The following OTUD7A variants were observed in gnomAD, a reference collection of about 807,000 sequenced individuals.
The protein encoded by OTUD7A is OTU domain-containing protein 7A.
In OTUD7A, 12 loss-of-function variants were observed where a neutral mutation model predicts 65.7. The observed-to-expected ratio is 0.18, with a 90% CI of 0.12 to 0.30. The LOEUF (loss-of-function observed/expected upper bound fraction) is 0.30. OTUD7A is among the 10% of genes least tolerant of loss of function. The probability of loss-of-function intolerance (pLI) is 1.00; values close to 1 mark genes in which losing one functional copy is unlikely to be tolerated. For missense variants in OTUD7A, 1,148 were observed against 1,304.8 expected (o/e 0.88, Z 1.85); for synonymous variants, 641 against 586.3 (o/e 1.09, Z -1.35).
chr15:31,682,621 A>G (rs1385348171), intron 1 of OTUD7A, among the ~76,000 whole-genome samples: 1 of 152,254 alleles, frequency 6.6e-6, no homozygotes, highest in Admixed American at 6.5e-5. Flanking sequence ...ACTTTTCCAA[A>G]AAATGATGCT....
intron 3 of OTUD7A, among the ~76,000 whole-genome samples, chr15:31,601,830 A>G (rs1890085481): frequency 6.6e-6 from 1 of 152,222 alleles, no homozygotes; most frequent in East Asian, 1.9e-4. Context: ...AAACACTCCT[A>G]TGCAAATAAA....
chr15:31,632,717 C>T (rs1891210738), intron 3 of OTUD7A, among the ~76,000 whole-genome samples: 2 of 152,328 alleles, frequency 1.3e-5, no homozygotes, highest in South Asian at 4.1e-4. Context: ...GCCCTGCCCC[C>T]AGAGGTGGAG....
rs1465199299 is a variant in OTUD7A at position 31,487,340 on chromosome 15, C to T, written c.1287-62G>A. 6 of 1,590,794 alleles carry T rather than the reference C, an allele frequency of 3.8e-6. No individual in the cohort carries two copies. The African/African-American group carries it at 6.7e-5, about 18-fold the overall frequency. On this transcript the variant is annotated intron_variant, in intron 11 of 12. Coordinates refer to ENST00000307050, the MANE Select transcript of OTUD7A (RefSeq NM_001382637.1). This position sits in a 1 kb window ranked among gnomAD's most constrained non-coding sequence, Gnocchi z 6.0. ...GCTGGCCCTTATAGCACCCAGTCCA[C>T]TTGCATGCCAGCTGTCCCAGGAGGA...
intron 1 of OTUD7A, among the ~76,000 whole-genome samples, chr15:31,776,084 G>T (rs1389592574): frequency 6.6e-6 from 1 of 152,220 alleles, no homozygotes. Context: ...TCCACACACT[G>T]CAGAGGCGCC....
intron 1 of OTUD7A, among the ~76,000 whole-genome samples, chr15:31,841,880 T>A (rs1897190775): frequency 6.6e-6 from 1 of 152,158 alleles, no homozygotes; most frequent in African/African-American, 2.4e-5. Context: ...GCAATTCCAC[T>A]CCTAGGTCCA....
intron 1 of OTUD7A, among the ~76,000 whole-genome samples, chr15:31,681,128 T>C (rs1343392537): frequency 2.0e-5 from 3 of 151,380 alleles, no homozygotes; most frequent in Non-Finnish European, 2.9e-5. Context: ...ATATATATTT[T>C]TTCCTGTCCG....
At chr15:31,560,281 A>G (rs1001870031) in intron 4 of OTUD7A, among the ~76,000 whole-genome samples, 3 of 152,246 alleles carry the variant, frequency 2.0e-5, no homozygotes, top group African/African-American at 7.2e-5. Flanking sequence ...ATATTAAGTC[A>G]GTCCATGTGT....
At chr15:31,739,572 T>C (rs1894283130) in intron 1 of OTUD7A, among the ~76,000 whole-genome samples, 1 of 152,152 alleles carries the variant, frequency 6.6e-6, no homozygotes, top group Non-Finnish European at 1.5e-5. Context: ...GTTTTTAAAA[T>C]GCAATGCCCA....
chr15:31,762,580 T>G (rs371062364), intron 1 of OTUD7A, among the ~76,000 whole-genome samples: 21 of 152,208 alleles, frequency 1.4e-4, no homozygotes, highest in Non-Finnish European at 2.9e-4. Context: ...GCTTTGATTA[T>G]AGAACTATAG....
At chr15:31,637,476 A>G (rs1891377410) in intron 3 of OTUD7A, among the ~76,000 whole-genome samples, 1 of 152,236 alleles carries the variant, frequency 6.6e-6, no homozygotes, top group Non-Finnish European at 1.5e-5. Flanking sequence ...TACAAGATCA[A>G]TGTTTTCACG....
chr15:31,755,362 G>A (rs995167339), intron 1 of OTUD7A, among the ~76,000 whole-genome samples: 7 of 152,110 alleles, frequency 4.6e-5, no homozygotes, highest in Non-Finnish European at 1.0e-4. Flanking sequence ...GGCCTTTCCT[G>A]TCCATTAGTA....
intron 1 of OTUD7A, among the ~76,000 whole-genome samples, chr15:31,765,267 A>C (rs1201660329): frequency 2.6e-5 from 4 of 152,118 alleles, no homozygotes; most frequent in Non-Finnish European, 5.9e-5. Context: ...GTGGAAAAAG[A>C]ATATATAGAA....
At chr15:31,573,340 C>T (rs1889108669) in intron 3 of OTUD7A, among the ~76,000 whole-genome samples, 2 of 152,238 alleles carry the variant, frequency 1.3e-5, no homozygotes, top group African/African-American at 4.8e-5. Context: ...CTCAAATGGA[C>T]ACTTTTTGAG....
intron 1 of OTUD7A, among the ~76,000 whole-genome samples, chr15:31,755,295 ACTT>A (rs1379184482): frequency 2.6e-5 from 4 of 151,948 alleles, no homozygotes; most frequent in African/African-American, 9.7e-5. Context: ...ACACAAGAGA[ACTT>A]CTTCATATAT....
In OTUD7A at chr15:31,673,828, T is replaced by G. The variant is rs116219192; in HGVS notation, c.-99-16751A>C. Among the ~76,000 whole-genome samples the G allele has an allele frequency of 2.3e-3, 344 of 152,350 alleles. 2 individuals carry two copies. Among genetic ancestry groups the G allele is most frequent in the African/African-American group, 7.8e-3 (326 of 41,582 alleles). On this transcript the variant is annotated intron_variant, in intron 1 of 12. Coordinates refer to ENST00000307050, the MANE Select transcript of OTUD7A (RefSeq NM_001382637.1). ...ATTGTGACAAGTGTTGGGGCACACT[T>G]TGCGCATTGAGCTGTCACCCCAACC...
intron 3 of OTUD7A, among the ~76,000 whole-genome samples, chr15:31,620,013 T>C (rs1017594845): frequency 3.9e-5 from 6 of 152,334 alleles, no homozygotes; most frequent in South Asian, 2.1e-4. Context: ...TTTCTGCATC[T>C]ATTGAGATAA....
chr15:31,596,810 T>C (rs1424544276), intron 3 of OTUD7A, among the ~76,000 whole-genome samples: 3 of 152,218 alleles, frequency 2.0e-5, no homozygotes, highest in African/African-American at 7.2e-5. Flanking sequence ...CTCACTTTTC[T>C]ATTGTTTGTA....
chr15:31,562,380 A>C (rs1017254813), intron 4 of OTUD7A, among the ~76,000 whole-genome samples: 9 of 152,208 alleles, frequency 5.9e-5, no homozygotes, highest in Non-Finnish European at 1.5e-5. Flanking sequence ...AGCCGGAGAC[A>C]GGCCCTGGTA....
At chr15:31,551,820 G>A (rs1004498339) in intron 5 of OTUD7A, among the ~76,000 whole-genome samples, 1 of 152,276 alleles carries the variant, frequency 6.6e-6, no homozygotes, top group East Asian at 1.9e-4. Flanking sequence ...GCTTCTGTGA[G>A]AGCTCCTGCC....
Sources: gnomAD v4.1 joint callset for allele counts (sites outside exome capture counted in the v4.1 genomes callset) on GRCh38, gnomAD v4.1.1 for gene constraint, Gnocchi (gnomAD v3.1) non-coding constraint, MANE v1.5 for transcripts, NCBI Gene and HGNC (gene_info 2026-07-23, HGNC 2026-07-21) for gene names.